The following ADCY3 variants were observed in gnomAD, a reference collection of about 807,000 sequenced individuals.
ADCY3 encodes the protein adenylate cyclase 3.
Under a neutral mutation model 119.4 loss-of-function variants are expected in ADCY3, and 70 were observed. The ratio of observed to expected loss-of-function variants is 0.59; its 90% confidence interval spans 0.48 to 0.72. The LOEUF (loss-of-function observed/expected upper bound fraction) is 0.72. ADCY3 is among the 30% of genes least tolerant of loss of function. ADCY3 has a pLI of 0.00. For missense variants in ADCY3, 1,238 were observed against 1,541.6 expected, an observed-to-expected ratio of 0.80 and a Z score of 3.30; for synonymous variants, 672 against 621.4, an observed-to-expected ratio of 1.08 and a Z score of -1.21.
intron 2 of ADCY3, among the ~76,000 whole-genome samples, chr2:24,879,452 C>CAAAAAAAAAAAA (rs34029858): frequency 1.5e-5 from 1 of 66,084 alleles, no homozygotes; most frequent in Non-Finnish European, 2.9e-5. Context: ...GACTCTGTCT[C>CAAAAAAAAAAAA]AAAAAAAAAA....
rs192774766 is a variant in ADCY3 at position 24,901,049 on chromosome 2, C to T, written c.675+17264G>A. 4.4e-4 allele frequency among the ~76,000 whole-genome samples: 67 copies of T among 152,148 alleles called. 2 individuals are homozygous for T. In the East Asian group the frequency reaches 0.013, roughly 29 times the overall value. On this transcript the variant is annotated intron_variant, in intron 2 of 21. Coordinates refer to ENST00000679454, the MANE Select transcript of ADCY3 (RefSeq NM_004036.5). ...CATTGCACTCCAGCCTGGGCGACAA[C>T]AGTGAGACTCCGTCTCAAAAAAAAG...
Position 24,872,703 on chromosome 2 carries a change from A to T in ADCY3, c.692T>A (p.Phe231Tyr). The stretch of plus-strand genomic sequence containing the variant: ...CACAGCGATGGCGCACAGGTAGAGG[A>T]AGACGTTGGCCAGGATCTGCACCCC... ...QLLREILANV[F>Y]LYLCAIAVGI... Residue 231 changes from phenylalanine (F) to tyrosine (Y), a missense_variant, in exon 3 of 22, where the codon TTC becomes TAC. Around this residue, in one of 7 missense-constraint regions of ADCY3, gnomAD observed 283 missense variants for 437.2 expected, o/e 0.65. Coordinates refer to ENST00000679454, the MANE Select transcript of ADCY3 (RefSeq NM_004036.5). The surrounding 1 kb of genome is among the most constrained non-coding windows in gnomAD (Gnocchi z 4.4). 1 of 1,614,028 alleles carries T rather than the reference A, an allele frequency of 6.2e-7. No individual in the cohort carries two copies. Among genetic ancestry groups the T allele is most frequent in the East Asian group, 2.2e-5 (1 of 44,882 alleles).
chr2:24,917,577 G>A (rs1054823031), intron 2 of ADCY3, among the ~76,000 whole-genome samples: 3 of 152,150 alleles, frequency 2.0e-5, no homozygotes, highest in Non-Finnish European at 4.4e-5. Context: ...AGCTGAGGCC[G>A]AAATTCCACC....
rs758480446 is a variant in ADCY3 at position 24,830,776 on chromosome 2, C to CG, written c.2104dup (p.Arg702ProfsTer99). ...CATGGCCCAGGTGTTCCTGGCCCAG[C>CG]GGGTCCGGTCAATCCAAGTTGAGAA... On this transcript the variant is annotated frameshift_variant, in exon 13 of 22. Transcript: ENST00000679454. LOFTEE classifies it high-confidence loss of function. 2 of 1,614,018 alleles carry CG rather than the reference C, an allele frequency of 1.2e-6. No homozygotes were observed. The highest frequency in any genetic ancestry group is 1.7e-6 in the Non-Finnish European group (2 of 1,179,984).
chr2:24,908,466 T>C (rs932475927), intron 2 of ADCY3, among the ~76,000 whole-genome samples: 6 of 152,200 alleles, frequency 3.9e-5, no homozygotes, highest in African/African-American at 1.4e-4. Flanking sequence ...GCTAGTTGAT[T>C]ACGCAGAAAA....
At chr2:24,887,893 A>C (rs1677250127) in intron 2 of ADCY3, among the ~76,000 whole-genome samples, 1 of 152,206 alleles carries the variant, frequency 6.6e-6, no homozygotes, top group South Asian at 2.1e-4. Context: ...CAATACATCT[A>C]AGTGTTACCT....
chr2:24,838,252 G>T (rs1382208426), intron 8 of ADCY3, among the ~76,000 whole-genome samples, 193 bp downstream of exon 8: 1 of 152,042 alleles, frequency 6.6e-6, no homozygotes, highest in Non-Finnish European at 1.5e-5. Context: ...AACCTGCCAT[G>T]AATTACACTC....
At chr2:24,858,015 T>TTA (rs1208863865) in intron 3 of ADCY3, among the ~76,000 whole-genome samples, 4 of 124,792 alleles carry the variant, frequency 3.2e-5, no homozygotes, top group African/African-American at 1.2e-4. Flanking sequence ...TTTTTTTTTT[T>TTA]AAAGAGACAG....
chr2:24,883,518 G>A (rs1676664852), intron 2 of ADCY3, among the ~76,000 whole-genome samples: 1 of 152,172 alleles, frequency 6.6e-6, no homozygotes. Context: ...ATATATTTAA[G>A]CATATAGATT....
intron 3 of ADCY3, among the ~76,000 whole-genome samples, chr2:24,864,427 T>C (rs1052417986): frequency 1.3e-5 from 2 of 152,096 alleles, no homozygotes; most frequent in African/African-American, 4.8e-5. Context: ...CAGATATCTG[T>C]ACACCCGTGT....
At chr2:24,895,469 G>T (rs1234149034) in intron 2 of ADCY3, among the ~76,000 whole-genome samples, 1 of 151,970 alleles carries the variant, frequency 6.6e-6, no homozygotes, top group Non-Finnish European at 1.5e-5. Flanking sequence ...ATCAAATTTG[G>T]ACGTTTTCCC....
At chr2:24,887,183 G>A (rs1449656444) in intron 2 of ADCY3, among the ~76,000 whole-genome samples, 1 of 152,170 alleles carries the variant, frequency 6.6e-6, no homozygotes, top group African/African-American at 2.4e-5. Context: ...AGGAAGACGT[G>A]CCGAGCGAAA....
chr2:24,838,972 T>A, intron 7 of ADCY3: 6 of 1,239,128 alleles, frequency 4.8e-6, no homozygotes, highest in Non-Finnish European at 6.5e-6. Context: ...AGACAGAGTC[T>A]TGTTCTGTCG....
intron 15 of ADCY3, 58 bp downstream of exon 15, chr2:24,827,488 C>A (rs1024313786): frequency 6.5e-7 from 1 of 1,540,756 alleles, no homozygotes; most frequent in South Asian, 1.2e-5. Flanking sequence ...CTGTTATATT[C>A]CTGTCTCTAG....
In ADCY3 at chr2:24,822,564, C is replaced by T; in HGVS notation, c.2950G>A (p.Ala984Thr). 1 of 1,613,966 alleles carries T rather than the reference C, an allele frequency of 6.2e-7. No individual in the cohort carries two copies. Among genetic ancestry groups the T allele is most frequent in the Non-Finnish European group, 8.5e-7 (1 of 1,179,974 alleles). ...IKTIGSTYMA[A>T]SGVTPDVNTN... ...TTGACATCGGGGGTGACTCCTGAAGCCGCCATATACGTGCTGCCAATGGTT... is the reference window on the plus strand; with the variant it reads ...TTGACATCGGGGGTGACTCCTGAAGTCGCCATATACGTGCTGCCAATGGTT... Residue 984 changes from alanine to threonine, a missense_variant, in exon 19 of 22, where the codon GCT becomes ACT. Transcript: ENST00000679454.
rs776809151 is a variant in ADCY3, at chr2:24,899,297, G to A, written c.675+19016C>T. Among the ~76,000 whole-genome samples, 129 of 152,332 alleles carry A rather than the reference G, an allele frequency of 8.5e-4. 1 individual carries two copies. The highest frequency in any genetic ancestry group is 1.7e-3 in the Non-Finnish European group (113 of 68,040). ...AAACCACCATCCGCTCTTCTGCCCT[G>A]TGAGGTGATGACTGTATTGATTTTG... On this transcript the variant is annotated intron_variant, in intron 2 of 21. Coordinates refer to ENST00000679454, the MANE Select transcript of ADCY3 (RefSeq NM_004036.5). The surrounding 1 kb of genome is among the most constrained non-coding windows in gnomAD (Gnocchi z 4.5).
Position 24,838,429 on chromosome 2 carries a change from G to A in ADCY3, c.1533+16C>T, listed in dbSNP as rs1229424065. 6.3e-7 allele frequency: 1 copy of A among 1,577,136 alleles called. No individual in the cohort carries two copies. Among genetic ancestry groups the A allele is most frequent in the South Asian group, 1.1e-5 (1 of 88,718 alleles). On this transcript the variant is annotated intron_variant, in intron 8 of 21. Transcript: ENST00000679454. ...GTGGGGTGGGTGGGGTGGGTGGGGTGGGGTGGGGAACTCACCGAGCCATTG... is the reference window on the plus strand; with the variant it reads ...GTGGGGTGGGTGGGGTGGGTGGGGTAGGGTGGGGAACTCACCGAGCCATTG...
At chr2:24,846,238 C>T (rs995415152) in intron 3 of ADCY3, among the ~76,000 whole-genome samples, 2 of 152,124 alleles carry the variant, frequency 1.3e-5, no homozygotes, top group African/African-American at 2.4e-5. Flanking sequence ...GTAGATCCAC[C>T]GACACCTTGG....
chr2:24,824,420 C>T lies in ADCY3; in HGVS notation c.2694G>A (p.Glu898=). The T allele has an allele frequency of 6.2e-7, 1 of 1,614,240 alleles. No homozygotes were observed. Among genetic ancestry groups the T allele is most frequent in the Non-Finnish European group, 8.5e-7 (1 of 1,180,044 alleles). ...NEALVTNMLP[E]HVARHFLGSK... is the part of the protein sequence containing the mutation. ...ACCCCAGGAAATGGCGTGCCACGTG[C>T]TCAGGCAACATGTTGGTGACCAAGG... Residue 898 remains glutamate (E), a synonymous_variant, in exon 17 of 22, where the codon GAG becomes GAA. Coordinates refer to ENST00000679454, the MANE Select transcript of ADCY3 (RefSeq NM_004036.5).
Sources: gnomAD v4.1 joint callset for allele counts (sites outside exome capture counted in the v4.1 genomes callset) on GRCh38, gnomAD v4.1.1 for gene constraint, gnomAD v4.1.1 regional missense constraint, Gnocchi (gnomAD v3.1) non-coding constraint, MANE v1.5 for transcripts, NCBI Gene and HGNC (gene_info 2026-07-23, HGNC 2026-07-21) for gene names.